The following RPP30 variants were observed in gnomAD, a reference collection of about 807,000 sequenced individuals.
The protein encoded by RPP30 is ribonuclease P/MRP subunit p30, also known as ribonuclease P protein subunit p30.
A neutral mutation model predicts 38.6 loss-of-function variants in RPP30; 36 were observed. The observed-to-expected ratio is 0.93, with a 90% confidence interval of 0.71 to 1.23. The LOEUF (loss-of-function observed/expected upper bound fraction) is 1.23. Among genes scored for constraint, RPP30 ranks in the 50% most tolerant of loss-of-function variants. The pLI is 0.00. For missense variants in RPP30, 321 were observed against 321.7 expected (o/e 1.00, Z 0.02); for synonymous variants, 126 against 112.7 (o/e 1.12, Z -0.75).
intron 3 of RPP30, 68 bp from the exon 4 acceptor site, chr10:90,875,956 C>T (rs1262920813): frequency 3.3e-6 from 3 of 902,192 alleles, no homozygotes; most frequent in East Asian, 2.4e-5. Flanking sequence ...TGAATACTTT[C>T]CACTGGTAAA....
downstream of RPP30, chr10:90,905,746 A>C (rs1267714370): frequency 1.3e-5 from 2 of 152,206 alleles, no homozygotes; most frequent in African/African-American, 4.8e-5. Context: ...AAGATTTATA[A>C]AGTGGGTATT....
At chr10:90,889,617 C>T (rs2120212437) in intron 6 of RPP30, among the ~76,000 whole-genome samples, 1 of 151,994 alleles carries the variant, frequency 6.6e-6, no homozygotes, top group South Asian at 2.1e-4. Flanking sequence ...CGATGTGGGC[C>T]CTTTTCTTTG....
chr10:90,903,907 C>CT (rs1427031319), downstream of RPP30, among the ~76,000 whole-genome samples: 1 of 152,122 alleles, frequency 6.6e-6, no homozygotes, highest in Non-Finnish European at 1.5e-5. Flanking sequence ...AAAATAAAGA[C>CT]TAGAATACAT....
intron 5 of RPP30, among the ~76,000 whole-genome samples, chr10:90,885,348 G>C (rs1846985322): frequency 6.6e-6 from 1 of 152,154 alleles, no homozygotes; most frequent in Non-Finnish European, 1.5e-5. Flanking sequence ...GACTTGATAG[G>C]AGCCACAGCC....
chr10:90,896,378 C>T lies in RPP30; in HGVS notation c.683C>T (p.Ala228Val), dbSNP rs535330785. ...GCGGTGTCCACCAACTGCCGAGCAG[C>T]GCTTCTCCATGGAGGTAAGCAAGTT... ...KAAVSTNCRA[A>V]LLHGETRKTA... Residue 228 changes from alanine (A) to valine (V), a missense_variant, in exon 10 of 11, where the codon GCG becomes GTG. Coordinates refer to ENST00000371703, the MANE Select transcript of RPP30 (RefSeq NM_006413.5). 4.8e-5 allele frequency: 78 copies of T among 1,613,902 alleles called. No homozygotes were observed. The highest frequency in any genetic ancestry group is 1.3e-4 in the Admixed American group (8 of 60,010).
chr10:90,903,100 G>A, downstream of RPP30: 2 of 726,548 alleles, frequency 2.8e-6, no homozygotes, highest in South Asian at 3.1e-5. Flanking sequence ...TGTCAAATTA[G>A]ATATGAGAAG....
intron 5 of RPP30, among the ~76,000 whole-genome samples, chr10:90,881,231 G>A (rs1846923849): frequency 6.6e-6 from 1 of 152,052 alleles, no homozygotes; most frequent in Non-Finnish European, 1.5e-5. Context: ...TAACTTTTAC[G>A]ACAATCCCGT....
intron 4 of RPP30, 103 bp downstream of exon 4, chr10:90,876,201 C>A: frequency 2.8e-6 from 2 of 716,112 alleles, no homozygotes; most frequent in Non-Finnish European, 4.8e-6. Context: ...TTTTCCCTCG[C>A]CCCCGCCAAA....
chr10:90,895,958 A>G, intron 9 of RPP30, 41 bp downstream of exon 9: 2 of 1,521,144 alleles, frequency 1.3e-6, no homozygotes, highest in East Asian at 2.3e-5. Context: ...ATTGTCTTTC[A>G]GGAAATTTTG....
chr10:90,879,948 A>C (rs1372472245), intron 5 of RPP30: 3 of 152,222 alleles, frequency 2.0e-5, no homozygotes, highest in African/African-American at 4.8e-5. Context: ...CTACTTTTAG[A>C]AACTTCTGAA....
At chr10:90,903,375 G>T (rs550505293), downstream of RPP30, 10 of 685,218 alleles carry the variant, frequency 1.5e-5, no homozygotes, top group Non-Finnish European at 2.3e-5. Flanking sequence ...TTATGAATTA[G>T]TGATGTACCA....
intron 6 of RPP30, 44 bp from the exon 7 acceptor site, chr10:90,894,731 C>T: frequency 7.6e-7 from 1 of 1,319,206 alleles, no homozygotes. Flanking sequence ...TGAAGTAGGC[C>T]AGTGCATGCT....
chr10:90,875,179 G>A (rs1290250979), intron 2 of RPP30, among the ~76,000 whole-genome samples: 5 of 152,120 alleles, frequency 3.3e-5, no homozygotes, highest in Non-Finnish European at 2.9e-5. Flanking sequence ...TGTTCAAAAA[G>A]TGCATTGTTA....
In RPP30 at chr10:90,872,016, A is replaced by G. The variant is rs768191681; in HGVS notation, c.30A>G (p.Arg10=). 2 of 1,614,028 alleles carry G rather than the reference A, an allele frequency of 1.2e-6. No individual in the cohort carries two copies. The highest frequency in any genetic ancestry group is 1.7e-6 in the Non-Finnish European group (2 of 1,180,020). The change falls in exon 1 of 11, where the codon CGA becomes CGG. Residue 10 remains arginine (R), a synonymous_variant. Coordinates refer to ENST00000371703, the MANE Select transcript of RPP30 (RefSeq NM_006413.5). MAVFADLDL[R]AGSDLKALRG... is the part of the protein sequence containing the mutation. ...CGGTGTTTGCAGATTTGGACCTGCG[A>G]GCGGGTTCTGACCTGAAGGCTCTGC...
intron 2 of RPP30, among the ~76,000 whole-genome samples, chr10:90,875,261 C>G (rs932058039): frequency 6.6e-6 from 1 of 152,176 alleles, no homozygotes; most frequent in African/African-American, 2.4e-5. Flanking sequence ...TACTTTCTCT[C>G]TTAAACATTA....
At chr10:90,880,832 T>A (rs369419393) in intron 5 of RPP30, among the ~76,000 whole-genome samples, 1 of 150,676 alleles carries the variant, frequency 6.6e-6, no homozygotes, top group East Asian at 1.9e-4. Context: ...TAGAACTTTT[T>A]AAAATCAGGC....
At position 90,873,138 on chromosome 10, in the gene RPP30, AC is replaced by A. The variant is rs535300073; in HGVS notation, c.82+1071del. Reference sequence around the variant, plus strand: ...ATTGCCATGTCTTATCCTTTTATTTACTGTGCTTAACACGTTCACTCTGCAG... The same window carrying A: ...ATTGCCATGTCTTATCCTTTTATTTATGTGCTTAACACGTTCACTCTGCAG... On this transcript the variant is annotated intron_variant, in intron 1 of 10. Coordinates refer to ENST00000371703, the MANE Select transcript of RPP30 (RefSeq NM_006413.5). Among the ~76,000 whole-genome samples the A allele has an allele frequency of 5.2e-4, 79 of 152,250 alleles. 1 individual carries two copies. Among genetic ancestry groups the A allele is most frequent in the African/African-American group, 1.9e-3 (78 of 41,536 alleles).
downstream of RPP30, among the ~76,000 whole-genome samples, chr10:90,902,903 T>G (rs1379459102): frequency 6.6e-6 from 1 of 152,228 alleles, no homozygotes; most frequent in Admixed American, 6.5e-5. Flanking sequence ...TTCACCCTGC[T>G]TAAGTTCACC....
chr10:90,907,652 A>G (rs1847267682), downstream of RPP30, among the ~76,000 whole-genome samples: 1 of 152,130 alleles, frequency 6.6e-6, no homozygotes, highest in Admixed American at 6.6e-5. Context: ...AGTGCCAAAC[A>G]TTTCTCATAT....
Sources: gnomAD v4.1 joint callset for allele counts (sites outside exome capture counted in the v4.1 genomes callset) on GRCh38, gnomAD v4.1.1 for gene constraint, MANE v1.5 for transcripts, NCBI Gene and HGNC (gene_info 2026-07-23, HGNC 2026-07-21) for gene names.